The following GALNTL6 variants were observed in gnomAD, a reference collection of about 807,000 sequenced individuals.
GALNTL6 encodes polypeptide N-acetylgalactosaminyltransferase-like 6.
In GALNTL6, 46 loss-of-function variants were observed where a neutral mutation model predicts 73.7. The observed-to-expected ratio is 0.62, with a 90% CI of 0.49 to 0.80. The LOEUF is 0.80. Among genes scored for constraint, GALNTL6 ranks in the 30% least tolerant of loss-of-function variants. The pLI is 0.00. For synonymous variants in GALNTL6, 259 were observed against 263.7 expected (o/e 0.98, Z 0.17); for missense variants, 604 against 755.0 (o/e 0.80, Z 2.34).
At chr4:172,296,592 T>C (rs532679360) in intron 3 of GALNTL6, among the ~76,000 whole-genome samples, 8 of 152,096 alleles carry the variant, frequency 5.3e-5, no homozygotes, top group Non-Finnish European at 5.9e-5. Context: ...AGTTCCCACC[T>C]ATGAGTGAGA....
chr4:172,167,729 C>T (rs992344225), intron 2 of GALNTL6, among the ~76,000 whole-genome samples: 3 of 151,118 alleles, frequency 2.0e-5, no homozygotes, highest in East Asian at 3.9e-4. Flanking sequence ...GAGGCCGAGG[C>T]GGGTGGATCA....
At position 173,020,767 on chromosome 4, in the gene GALNTL6, G is replaced by A. The variant is rs116921898; in HGVS notation, c.1489-709G>A. On this transcript the variant is annotated intron_variant, in intron 11 of 12. Transcript: ENST00000506823. ...GTAACATTTTAGCTAAATAAAGACC[G>A]TAGAGTGTTATTAAGGACTTTCTGG... 3.0e-3 allele frequency among the ~76,000 whole-genome samples: 462 copies of A among 152,274 alleles called. 4 individuals carry two copies. The highest frequency in any genetic ancestry group is 0.026 in the East Asian group (136 of 5,176).
At chr4:172,929,759 G>A (rs1419310670) in intron 8 of GALNTL6, among the ~76,000 whole-genome samples, 3 of 152,284 alleles carry the variant, frequency 2.0e-5, no homozygotes, top group Non-Finnish European at 2.9e-5. Context: ...GTCCAGCCAA[G>A]TTGATTCATA....
At chr4:172,569,808 C>T (rs747273256) in intron 5 of GALNTL6, among the ~76,000 whole-genome samples, 44 of 152,070 alleles carry the variant, frequency 2.9e-4, no homozygotes, top group Non-Finnish European at 1.2e-4. Context: ...GAGACCTAAA[C>T]GTGAAGAATG....
At chr4:172,825,258 G>A (rs919425579) in intron 7 of GALNTL6, among the ~76,000 whole-genome samples, 9 of 151,944 alleles carry the variant, frequency 5.9e-5, no homozygotes, top group African/African-American at 1.2e-4. Flanking sequence ...GGAGTCTTGC[G>A]GGAGGGAGGG....
At chr4:172,389,489 G>A (rs1009085066) in intron 5 of GALNTL6, among the ~76,000 whole-genome samples, 11 of 152,020 alleles carry the variant, frequency 7.2e-5, no homozygotes, top group East Asian at 3.8e-4. Context: ...AAATTAAGTC[G>A]TGAATGTAAA....
chr4:172,786,156 G>A (rs1040266169), intron 5 of GALNTL6, among the ~76,000 whole-genome samples: 6 of 151,490 alleles, frequency 4.0e-5, no homozygotes, highest in African/African-American at 9.7e-5. Context: ...ACTCCAATTC[G>A]CTCTAATCAG....
intron 5 of GALNTL6, among the ~76,000 whole-genome samples, chr4:172,608,904 A>G (rs1738411879): frequency 1.3e-5 from 2 of 152,084 alleles, no homozygotes; most frequent in Admixed American, 1.3e-4. Flanking sequence ...ATGAGATTGC[A>G]TTCTTAATTT....
chr4:172,286,543 T>G (rs1739260597), intron 3 of GALNTL6, among the ~76,000 whole-genome samples: 1 of 152,208 alleles, frequency 6.6e-6, no homozygotes, highest in Non-Finnish European at 1.5e-5. Context: ...TTCAAAAGCC[T>G]TATAGATCAA....
chr4:171,903,562 G>C (rs920428985), intron 2 of GALNTL6, among the ~76,000 whole-genome samples: 2 of 147,698 alleles, frequency 1.4e-5, no homozygotes, highest in Non-Finnish European at 3.0e-5. Flanking sequence ...CAGCGAGGCT[G>C]GGGGAGGGGC....
intron 5 of GALNTL6, among the ~76,000 whole-genome samples, chr4:172,523,744 C>CT (rs1734860607): frequency 1.3e-5 from 2 of 152,228 alleles, no homozygotes; most frequent in South Asian, 4.1e-4. Flanking sequence ...TCTGTAAACT[C>CT]TTAAGTGTCA....
At chr4:172,522,324 T>C (rs747192191) in intron 5 of GALNTL6, among the ~76,000 whole-genome samples, 97 of 152,150 alleles carry the variant, frequency 6.4e-4, no homozygotes, top group Non-Finnish European at 1.2e-3. Flanking sequence ...TCTTAGTTGA[T>C]TATTATCTTT....
In GALNTL6 at chr4:172,981,225, TTGC is replaced by T. The variant is rs549148076; in HGVS notation, c.1372-27949_1372-27947del. ...TTTGGGTATACACCTAGTAGTGGAA[TTGC>T]TGCATCATATGGTAATTCTGGGTTT... On this transcript the variant is annotated intron_variant, in intron 10 of 12. Coordinates refer to ENST00000506823, the MANE Select transcript of GALNTL6 (RefSeq NM_001034845.3). 1.8e-4 allele frequency among the ~76,000 whole-genome samples: 28 copies of T among 152,376 alleles called. No homozygotes were observed. The East Asian group carries it at 3.9e-3, about 21-fold the overall frequency.
chr4:171,817,404 G>A (rs1399365951), intron 2 of GALNTL6, among the ~76,000 whole-genome samples: 5 of 151,504 alleles, frequency 3.3e-5, no homozygotes, highest in South Asian at 2.1e-4. Context: ...TAAAATATAC[G>A]TTATTTATAT....
At chr4:172,518,436 T>C (rs1734676709) in intron 5 of GALNTL6, among the ~76,000 whole-genome samples, 1 of 152,010 alleles carries the variant, frequency 6.6e-6, no homozygotes, top group African/African-American at 2.4e-5. Flanking sequence ...ACATTTGTAC[T>C]AGAACTGTTA....
chr4:172,762,935 C>G (rs1295424059), intron 5 of GALNTL6, among the ~76,000 whole-genome samples: 1 of 152,040 alleles, frequency 6.6e-6, no homozygotes, highest in Non-Finnish European at 1.5e-5. Flanking sequence ...CAATTTAAGA[C>G]TTTCTCTTTA....
chr4:172,225,202 G>A (rs777565320), intron 2 of GALNTL6, among the ~76,000 whole-genome samples: 9 of 151,992 alleles, frequency 5.9e-5, no homozygotes, highest in Non-Finnish European at 1.3e-4. Flanking sequence ...GGGTCTGGGC[G>A]CTGGAGATTG....
intron 9 of GALNTL6, among the ~76,000 whole-genome samples, chr4:172,937,591 T>C (rs1031730653): frequency 6.6e-6 from 1 of 152,226 alleles, no homozygotes; most frequent in Non-Finnish European, 1.5e-5. Context: ...TGTTTACTTC[T>C]GAAAAAAGAA....
intron 5 of GALNTL6, among the ~76,000 whole-genome samples, chr4:172,622,668 G>A (rs979164238): frequency 6.6e-6 from 1 of 152,070 alleles, no homozygotes; most frequent in African/African-American, 2.4e-5. Flanking sequence ...TGCATGAGAG[G>A]CTGATAGGAA....
Sources: gnomAD v4.1 joint callset for allele counts (sites outside exome capture counted in the v4.1 genomes callset) on GRCh38, gnomAD v4.1.1 for gene constraint, MANE v1.5 for transcripts, NCBI Gene and HGNC (gene_info 2026-07-23, HGNC 2026-07-21) for gene names.